STK39: variants seen among roughly 807,000 people sequenced by gnomAD.
STK39 encodes the protein STE20/SPS1-related proline-alanine-rich protein kinase.
A neutral mutation model predicts 77.8 loss-of-function variants in STK39; 20 were observed. The ratio of observed to expected loss-of-function variants is 0.26; its 90% confidence interval spans 0.18 to 0.37. STK39 has a LOEUF of 0.37. Among genes scored for constraint, STK39 ranks in the 10% least tolerant of loss-of-function variants. The pLI is 1.00. For missense variants in STK39, 479 were observed against 656.5 expected (o/e 0.73, Z 2.95); for synonymous variants, 246 against 234.1 (o/e 1.05, Z -0.47).
intron 1 of STK39, among the ~76,000 whole-genome samples, chr2:168,211,942 G>T (rs768034927): frequency 5.3e-5 from 8 of 152,326 alleles, no homozygotes; most frequent in Non-Finnish European, 8.8e-5. Flanking sequence ...GTGGTTAACT[G>T]CCCCACTCTG....
intron 16 of STK39, among the ~76,000 whole-genome samples, chr2:167,973,901 G>A (rs1477160052): frequency 6.6e-6 from 1 of 152,096 alleles, no homozygotes; most frequent in Non-Finnish European, 1.5e-5. Flanking sequence ...AGCACAAACA[G>A]GATTTTCTTA....
At chr2:168,237,160 C>T (rs1690635385) in intron 1 of STK39, among the ~76,000 whole-genome samples, 1 of 152,200 alleles carries the variant, frequency 6.6e-6, no homozygotes, top group Non-Finnish European at 1.5e-5. Context: ...AGGTCCTTCA[C>T]ATCCCTTGTA....
chr2:168,210,030 A>AAAGGAAGGAAGG (rs764085860), intron 1 of STK39, among the ~76,000 whole-genome samples: 4,900 of 109,902 alleles, frequency 0.045, 120 homozygotes, highest in Non-Finnish European at 0.048. Flanking sequence ...GAAAGGAAAG[A>AAAGGAAGGAAGG]AAGGAAGGAA....
chr2:167,978,589 G>A (rs1385869956), intron 16 of STK39, among the ~76,000 whole-genome samples: 1 of 152,180 alleles, frequency 6.6e-6, no homozygotes, highest in East Asian at 1.9e-4. Flanking sequence ...AGCAGCTTAG[G>A]GATGAGGCTT....
At chr2:167,994,983 G>C (rs1683795900) in intron 16 of STK39, among the ~76,000 whole-genome samples, 1 of 151,500 alleles carries the variant, frequency 6.6e-6, no homozygotes, top group Non-Finnish European at 1.5e-5. Context: ...TGATGGGAGA[G>C]GTATTAAGCA....
At chr2:168,050,316 G>C (rs1192101879) in intron 14 of STK39, among the ~76,000 whole-genome samples, 3 of 152,182 alleles carry the variant, frequency 2.0e-5, no homozygotes, top group African/African-American at 7.2e-5. Context: ...CACAAATAAG[G>C]AGAGACACTT....
rs1192275725 is a variant in STK39, at chr2:168,075,114, C to T, written c.1207G>A (p.Glu403Lys). The T allele has an allele frequency of 4.1e-5, 66 of 1,614,056 alleles. No homozygotes were observed. Among genetic ancestry groups the T allele is most frequent in the Non-Finnish European group, 5.6e-5 (66 of 1,180,042 alleles). Residue 403 changes from glutamate to lysine, a missense_variant, in exon 11 of 18, where the codon GAA becomes AAA. Coordinates refer to ENST00000355999, the MANE Select transcript of STK39 (RefSeq NM_013233.3). ...SEEGKAAFSQ[E>K]KSRRVKEENP... The stretch of plus-strand genomic sequence containing the variant: ...TCGTCAACGATGTCATTTACCTTTT[C>T]CTGAGAAAAAGCTGCTTTCCCTTCT...
intron 1 of STK39, among the ~76,000 whole-genome samples, chr2:168,215,232 A>G (rs1689996751): frequency 6.6e-6 from 1 of 152,102 alleles, no homozygotes. Context: ...GGCATTACCA[A>G]ATGGCCAGGA....
intron 17 of STK39, among the ~76,000 whole-genome samples, chr2:167,956,667 G>GACACACAC (rs762455680): frequency 0.087 from 4,154 of 47,558 alleles, 474 homozygotes; most frequent in African/African-American, 0.11. Context: ...CTTGCTTTTA[G>GACACACAC]ACACACACAC....
chr2:168,127,513 T>C (rs576473803), intron 10 of STK39, among the ~76,000 whole-genome samples: 1 of 152,272 alleles, frequency 6.6e-6, no homozygotes, highest in South Asian at 2.1e-4. Context: ...TTTTTCAAAT[T>C]TCAAAAAGCT....
intron 16 of STK39, among the ~76,000 whole-genome samples, chr2:168,008,290 T>C (rs939158305): frequency 3.3e-5 from 5 of 152,130 alleles, no homozygotes; most frequent in African/African-American, 1.2e-4. Context: ...TGAAACGTGA[T>C]GGGATGTGAG....
intron 16 of STK39, among the ~76,000 whole-genome samples, chr2:167,987,706 A>C (rs1396233463): frequency 6.6e-6 from 1 of 152,168 alleles, no homozygotes; most frequent in East Asian, 1.9e-4. Context: ...CACCCAAGGA[A>C]TAGCGAAACC....
chr2:168,188,557 C>A (rs1280563273), intron 1 of STK39, among the ~76,000 whole-genome samples: 1 of 152,158 alleles, frequency 6.6e-6, no homozygotes, highest in Non-Finnish European at 1.5e-5. Context: ...TTGATGGTCC[C>A]AATTTTAAGT....
chr2:168,005,670 C>T (rs1006402391), intron 16 of STK39, among the ~76,000 whole-genome samples: 6 of 152,130 alleles, frequency 3.9e-5, no homozygotes, highest in Non-Finnish European at 7.3e-5. Flanking sequence ...AAGACAAGCA[C>T]GCAGTAGTAC....
chr2:168,206,735 C>T (rs942152195), intron 1 of STK39, among the ~76,000 whole-genome samples: 2 of 152,008 alleles, frequency 1.3e-5, no homozygotes, highest in African/African-American at 2.4e-5. Flanking sequence ...AACAGACACC[C>T]AATATTCCAC....
chr2:168,170,336 A>G (rs910696817), intron 2 of STK39, among the ~76,000 whole-genome samples: 2 of 152,226 alleles, frequency 1.3e-5, no homozygotes, highest in African/African-American at 4.8e-5. Flanking sequence ...ATCCCTAAAA[A>G]TGACAAAACT....
At chr2:168,057,008 T>C (rs1685544171) in intron 14 of STK39, among the ~76,000 whole-genome samples, 1 of 152,082 alleles carries the variant, frequency 6.6e-6, no homozygotes, top group Non-Finnish European at 1.5e-5. Context: ...TCAAAGGCTA[T>C]AAAAGAAGGA....
chr2:168,217,716 C>T (rs1331644082), intron 1 of STK39, among the ~76,000 whole-genome samples: 2 of 152,112 alleles, frequency 1.3e-5, no homozygotes, highest in Non-Finnish European at 2.9e-5. Context: ...AGATGTTATA[C>T]TATAACATTT....
intron 1 of STK39, among the ~76,000 whole-genome samples, chr2:168,242,557 AAAAATATATATATAT>A (rs1439296558): frequency 5.1e-5 from 3 of 59,118 alleles, no homozygotes; most frequent in African/African-American, 7.8e-5. Context: ...AAAAAAAAAA[AAAAATATATATATAT>A]ATATATATAT....
Sources: allele counts gnomAD v4.1 joint callset (sites outside exome capture counted in the v4.1 genomes callset), GRCh38; gene constraint gnomAD v4.1.1; transcripts MANE v1.5; gene names NCBI Gene and HGNC (gene_info 2026-07-23, HGNC 2026-07-21).